PELI2: variants seen among roughly 807,000 people sequenced by gnomAD.
The protein encoded by PELI2 is E3 ubiquitin-protein ligase pellino homolog 2.
In PELI2, 23 loss-of-function variants were observed where a neutral mutation model predicts 42.3. The ratio of observed to expected loss-of-function variants is 0.54; its 90% CI spans 0.39 to 0.77. The LOEUF (loss-of-function observed/expected upper bound fraction) is 0.77. PELI2 is among the 30% of genes least tolerant of loss of function. PELI2 has a pLI of 0.00. For missense variants in PELI2, 463 were observed against 553.2 expected (o/e 0.84, Z 1.64); for synonymous variants, 245 against 212.2 (o/e 1.15, Z -1.34).
intron 5 of PELI2, among the ~76,000 whole-genome samples, chr14:56,291,780 G>A (rs1245785085): frequency 1.3e-5 from 2 of 152,200 alleles, no homozygotes; most frequent in Admixed American, 1.3e-4. Flanking sequence ...GCCCTCTTAG[G>A]GAAGTAGAGT....
At chr14:56,139,106 T>C (rs1883801769) in intron 1 of PELI2, among the ~76,000 whole-genome samples, 1 of 152,206 alleles carries the variant, frequency 6.6e-6, no homozygotes, top group South Asian at 2.1e-4. Context: ...TATCTAACAA[T>C]GTGCCTTGCT....
At chr14:56,234,038 A>G (rs1887689526) in intron 2 of PELI2, among the ~76,000 whole-genome samples, 1 of 152,240 alleles carries the variant, frequency 6.6e-6, no homozygotes, top group Non-Finnish European at 1.5e-5. Context: ...ATGCAAATCA[A>G]AACTACAATG....
At chr14:56,193,012 A>T (rs1886006905) in intron 2 of PELI2, among the ~76,000 whole-genome samples, 1 of 152,224 alleles carries the variant, frequency 6.6e-6, no homozygotes, top group Non-Finnish European at 1.5e-5. Context: ...AAGTGAATGC[A>T]TATCTGACTC....
At chr14:56,274,045 G>A (rs548825531) in intron 2 of PELI2, among the ~76,000 whole-genome samples, 72 of 152,324 alleles carry the variant, frequency 4.7e-4, no homozygotes, top group African/African-American at 1.7e-3. Flanking sequence ...CTCTCTCAGT[G>A]TCTCTCATCC....
At chr14:56,154,108 A>G (rs2139627381) in intron 1 of PELI2, among the ~76,000 whole-genome samples, 1 of 152,346 alleles carries the variant, frequency 6.6e-6, no homozygotes, top group African/African-American at 2.4e-5. Flanking sequence ...ATGGCTAGCA[A>G]CCACTGTTAA....
intron 1 of PELI2, among the ~76,000 whole-genome samples, chr14:56,176,964 A>C (rs1885407114): frequency 6.6e-6 from 1 of 152,200 alleles, no homozygotes; most frequent in East Asian, 1.9e-4. Flanking sequence ...ATGGTTGTTG[A>C]CTCATGGATA....
chr14:56,292,639 TATC>T (rs112403254), intron 5 of PELI2: 1 of 223,296 alleles, frequency 4.5e-6, no homozygotes, highest in South Asian at 1.6e-4. Flanking sequence ...TATGTATTAA[TATC>T]ATACTGAGCA....
intron 1 of PELI2, among the ~76,000 whole-genome samples, chr14:56,169,148 G>A (rs1193974596): frequency 1.3e-5 from 2 of 152,188 alleles, no homozygotes; most frequent in Admixed American, 1.3e-4. Flanking sequence ...CCTGAGGTTA[G>A]GGGAGGGGTG....
At chr14:56,165,580 C>A (rs1214166561) in intron 1 of PELI2, among the ~76,000 whole-genome samples, 1 of 152,040 alleles carries the variant, frequency 6.6e-6, no homozygotes, top group Non-Finnish European at 1.5e-5. Flanking sequence ...TGAAATATTT[C>A]GTAAATACCT....
chr14:56,120,725 A>G (rs189147012), intron 1 of PELI2, among the ~76,000 whole-genome samples: 1 of 152,290 alleles, frequency 6.6e-6, no homozygotes, highest in East Asian at 1.9e-4. Context: ...CAAATAGAGG[A>G]GTAATAAGTG....
chr14:56,292,091 G>A (rs1408103862), intron 5 of PELI2, among the ~76,000 whole-genome samples: 1 of 152,200 alleles, frequency 6.6e-6, no homozygotes, highest in African/African-American at 2.4e-5. Context: ...ACCCTTCTCA[G>A]GCTGCTATGT....
intron 2 of PELI2, among the ~76,000 whole-genome samples, chr14:56,223,686 TTTATTA>T (rs1489469598): frequency 6.6e-6 from 1 of 152,228 alleles, no homozygotes; most frequent in Admixed American, 6.5e-5. Context: ...TATTTGATCA[TTTATTA>T]TTATTAACTC....
At chr14:56,149,175 A>G (rs1216551969) in intron 1 of PELI2, among the ~76,000 whole-genome samples, 3 of 152,234 alleles carry the variant, frequency 2.0e-5, no homozygotes, top group Non-Finnish European at 2.9e-5. Flanking sequence ...GAAGGCAGAT[A>G]AAACATTCTA....
At chr14:56,233,368 C>A (rs114962823) in intron 2 of PELI2, among the ~76,000 whole-genome samples, 1 of 151,890 alleles carries the variant, frequency 6.6e-6, no homozygotes, top group Non-Finnish European at 1.5e-5. Context: ...TACAAGTTTA[C>A]AGTAACCAAA....
chr14:56,243,165 A>T (rs1324567902), intron 2 of PELI2, among the ~76,000 whole-genome samples: 7 of 152,208 alleles, frequency 4.6e-5, no homozygotes, highest in Non-Finnish European at 1.0e-4. Flanking sequence ...GAAAAAAGAA[A>T]ATGAAGGGAG....
chr14:56,172,376 CCTTTGGAAGT>C (rs1006596732), intron 1 of PELI2, among the ~76,000 whole-genome samples: 7 of 152,216 alleles, frequency 4.6e-5, no homozygotes, highest in African/African-American at 1.4e-4. Flanking sequence ...TTCACACTGG[CCTTTGGAAGT>C]CTCAGAACAT....
chr14:56,270,742 C>A (rs1889074867), intron 2 of PELI2, among the ~76,000 whole-genome samples: 1 of 152,202 alleles, frequency 6.6e-6, no homozygotes, highest in African/African-American at 2.4e-5. Flanking sequence ...ATCAGTGCTA[C>A]TGACATTGAC....
In PELI2 at chr14:56,298,615, C is replaced by T. The variant is rs1450606367; in HGVS notation, c.*1449C>T. Reference sequence around the variant, plus strand: ...TTATATGATTCTAATGTACTATATCCATACTTGAATTGGTTTTTTCGTATT... The same window carrying T: ...TTATATGATTCTAATGTACTATATCTATACTTGAATTGGTTTTTTCGTATT... On this transcript the variant is annotated 3_prime_UTR_variant, in exon 6 of 6. Coordinates refer to ENST00000267460, the MANE Select transcript of PELI2 (RefSeq NM_021255.3). 2 of 152,560 alleles carry T rather than the reference C, an allele frequency of 1.3e-5. No homozygotes were observed. Among genetic ancestry groups the T allele is most frequent in the African/African-American group, 4.8e-5 (2 of 41,436 alleles). 9.5% of individuals were successfully genotyped at this position (152,560 alleles called of 1,614,324 possible).
intron 2 of PELI2, among the ~76,000 whole-genome samples, chr14:56,204,770 T>G (rs1174009418): frequency 6.6e-6 from 1 of 151,804 alleles, no homozygotes; most frequent in East Asian, 1.9e-4. Flanking sequence ...AATCTGAAAG[T>G]GCTTTATTAA....
Sources: gnomAD v4.1 joint callset for allele counts (sites outside exome capture counted in the v4.1 genomes callset) on GRCh38, gnomAD v4.1.1 for gene constraint, MANE v1.5 for transcripts, NCBI Gene and HGNC (gene_info 2026-07-23, HGNC 2026-07-21) for gene names.